SCFD1: variants seen among roughly 807,000 people sequenced by gnomAD.
The protein encoded by SCFD1 is sec1 family domain containing 1, also known as sec1 family domain-containing protein 1.
SCFD1 carries 37 observed loss-of-function variants against 103.2 expected under a neutral mutation model. That is an observed-to-expected ratio of 0.36 (90% confidence interval 0.28 to 0.47). The LOEUF (loss-of-function observed/expected upper bound fraction) is 0.47. SCFD1 is among the 20% of genes least tolerant of loss of function. The pLI, the probability that SCFD1 is intolerant of heterozygous loss-of-function variation, is 1.00. For missense variants in SCFD1, 639 were observed against 761.2 expected (o/e 0.84, Z 1.89); for synonymous variants, 264 against 245.0 (o/e 1.08, Z -0.73).
intron 23 of SCFD1, among the ~76,000 whole-genome samples, chr14:30,730,742 G>A (rs773624766): frequency 4.6e-5 from 7 of 152,116 alleles, no homozygotes; most frequent in Non-Finnish European, 1.0e-4. Flanking sequence ...TGTAGATTCT[G>A]GATATTAGCC....
chr14:30,678,001 A>G (rs1351862546), intron 14 of SCFD1, among the ~76,000 whole-genome samples: 2 of 151,674 alleles, frequency 1.3e-5, no homozygotes, highest in African/African-American at 4.8e-5. Context: ...CACCATGCCC[A>G]GCTAATTTAT....
intron 5 of SCFD1, 143 bp from the exon 6 acceptor site, chr14:30,639,633 CT>C (rs1885068745): frequency 2.5e-6 from 2 of 792,482 alleles, no homozygotes. Context: ...TTCAATTAGG[CT>C]GTTACACAGT....
intron 3 of SCFD1, among the ~76,000 whole-genome samples, chr14:30,633,740 A>G (rs1409414541): frequency 6.6e-6 from 1 of 152,178 alleles, no homozygotes; most frequent in Non-Finnish European, 1.5e-5. Context: ...GAACAAATGA[A>G]GACTAACAAG....
intron 10 of SCFD1, chr14:30,658,365 G>T (rs1887108501): frequency 6.5e-6 from 1 of 153,462 alleles, no homozygotes; most frequent in African/African-American, 2.4e-5. Flanking sequence ...GGTTGTAAGA[G>T]AAGCATTTTT....
chr14:30,706,351 T>G (rs1266758906), intron 18 of SCFD1, among the ~76,000 whole-genome samples: 1 of 152,186 alleles, frequency 6.6e-6, no homozygotes, highest in East Asian at 1.9e-4. Flanking sequence ...ATAGCTGAAA[T>G]GATATACACC....
chr14:30,697,709 A>T (rs1414081990), intron 15 of SCFD1, among the ~76,000 whole-genome samples: 1 of 152,220 alleles, frequency 6.6e-6, no homozygotes, highest in Admixed American at 6.5e-5. Context: ...CCTCGGTATA[A>T]CCTAAATCTA....
chr14:30,659,968 A>G (rs998021504), intron 10 of SCFD1, among the ~76,000 whole-genome samples: 1 of 152,226 alleles, frequency 6.6e-6, no homozygotes, highest in African/African-American at 2.4e-5. Context: ...CTGGTATTAT[A>G]TGATCTAAGC....
In SCFD1 at chr14:30,670,472, A is replaced by C. The variant is rs2139202972; in HGVS notation, c.995+77A>C. 3 of 1,097,956 alleles carry C rather than the reference A, an allele frequency of 2.7e-6. No individual in the cohort carries two copies. In the South Asian group the frequency reaches 5.7e-5, roughly 21 times the overall value. 68.0% of individuals were successfully genotyped at this position (1,097,956 alleles called of 1,614,324 possible). A position where few individuals can be genotyped will look rare whatever the true frequency, so the allele number is the denominator to read the frequency against. ...GGTGTCATCCACCTTAATGAATTTGAGAAAAAAAAGGGTCATGTAGGTTCG... is the reference window on the plus strand; with the variant it reads ...GGTGTCATCCACCTTAATGAATTTGCGAAAAAAAAGGGTCATGTAGGTTCG... On this transcript the variant is annotated intron_variant, in intron 11 of 24. Transcript: ENST00000458591.
chr14:30,635,156 G>A (rs1884594370), intron 4 of SCFD1: 1 of 353,902 alleles, frequency 2.8e-6, no homozygotes, highest in African/African-American at 2.1e-5. Flanking sequence ...ATGATGCCCA[G>A]CTTTCTCTTT....
At chr14:30,699,080 T>G (rs921070347) in intron 15 of SCFD1, among the ~76,000 whole-genome samples, 1 of 152,164 alleles carries the variant, frequency 6.6e-6, no homozygotes, top group South Asian at 2.1e-4. Context: ...AACAAAAATA[T>G]CAGTATTGTC....
At chr14:30,637,261 A>G (rs1884820912) in intron 4 of SCFD1, among the ~76,000 whole-genome samples, 1 of 152,104 alleles carries the variant, frequency 6.6e-6, no homozygotes. Context: ...TCAGCAACAC[A>G]GGATTCACTC....
At chr14:30,658,859 C>T (rs1408729014) in intron 10 of SCFD1, among the ~76,000 whole-genome samples, 1 of 152,188 alleles carries the variant, frequency 6.6e-6, no homozygotes, top group Admixed American at 6.5e-5. Context: ...TTTATTAACA[C>T]AAAACCTCTT....
intron 14 of SCFD1, chr14:30,683,001 GAAAAGTTA>G: frequency 5.0e-6 from 5 of 1,004,210 alleles, no homozygotes; most frequent in Non-Finnish European, 7.4e-6. Flanking sequence ...ACCATCTAAG[GAAAAGTTA>G]AAAAGACGAC....
Position 30,675,139 on chromosome 14 carries a change from GTATTCATTATCT to G in SCFD1, c.1242+79_1242+90del, listed in dbSNP as rs1888921439. On this transcript the variant is annotated intron_variant, in intron 14 of 24. Coordinates refer to ENST00000458591, the MANE Select transcript of SCFD1 (RefSeq NM_016106.4). The stretch of plus-strand genomic sequence containing the variant: ...GTTTTATACTTTGTAAGATGCTTTA[GTATTCATTATCT>G]TATTGAGTCCCCACTGTAACATGAA... The G allele has an allele frequency of 1.1e-5, 8 of 709,282 alleles. No homozygotes were observed. In the East Asian group the frequency reaches 2.3e-4, roughly 21 times the overall value. The allele number at this position is 709,282 out of a possible 1,614,324, so 43.9% of individuals were successfully genotyped here. A position where few individuals can be genotyped will look rare whatever the true frequency, so the allele number is the denominator to read the frequency against.
intron 23 of SCFD1, 113 bp downstream of exon 23, chr14:30,722,672 T>G (rs1288445601): frequency 3.8e-6 from 2 of 531,630 alleles, no homozygotes; most frequent in Non-Finnish European, 6.4e-6. Flanking sequence ...AAAAGGTAGT[T>G]TTAAAATCAT....
intron 4 of SCFD1, among the ~76,000 whole-genome samples, chr14:30,637,334 C>T (rs926647836): frequency 6.6e-6 from 1 of 151,992 alleles, no homozygotes; most frequent in South Asian, 2.1e-4. Context: ...AACATGGTTC[C>T]CAGTATCGTG....
At chr14:30,721,980 A>G in intron 22 of SCFD1, 63 bp downstream of exon 22, 1 of 1,192,932 alleles carries the variant, frequency 8.4e-7, no homozygotes, top group South Asian at 1.2e-5. Context: ...CCAATCTTGA[A>G]GACTGTCTGT....
intron 14 of SCFD1, among the ~76,000 whole-genome samples, chr14:30,692,584 C>T (rs554843184): frequency 6.6e-6 from 1 of 152,154 alleles, no homozygotes; most frequent in South Asian, 2.1e-4. Context: ...TAACTTGAGC[C>T]TAAGACTAGA....
chr14:30,653,668 C>A, intron 10 of SCFD1, 80 bp downstream of exon 10: 2 of 943,460 alleles, frequency 2.1e-6, no homozygotes, highest in Non-Finnish European at 3.3e-6. Flanking sequence ...AACATCATGG[C>A]TACAGAAACA....
Sources: gnomAD v4.1 joint callset for allele counts (sites outside exome capture counted in the v4.1 genomes callset) on GRCh38, gnomAD v4.1.1 for gene constraint, MANE v1.5 for transcripts, NCBI Gene and HGNC (gene_info 2026-07-23, HGNC 2026-07-21) for gene names.